Variants in LZTS1 observed in about 807,000 individuals in gnomAD.
LZTS1 encodes leucine zipper tumor suppressor 1, also known as leucine zipper putative tumor suppressor 1.
In LZTS1, 31 loss-of-function variants were observed where a neutral mutation model predicts 45.8. That is an observed-to-expected ratio of 0.68 (90% CI 0.51 to 0.91). LZTS1 has a LOEUF of 0.91. Ranked by LOEUF, LZTS1 falls within the 40% of genes least tolerant of loss-of-function variation. The probability of loss-of-function intolerance (pLI) is 0.00; values close to 1 mark genes in which losing one functional copy is unlikely to be tolerated. For synonymous variants in LZTS1, 359 were observed against 357.3 expected, an observed-to-expected ratio of 1.00 and a Z score of -0.05; for missense variants, 821 against 788.9, an observed-to-expected ratio of 1.04 and a Z score of -0.49.
At position 20,269,325 on chromosome 8, in the gene LZTS1, C is replaced by T. The variant is rs141318389; in HGVS notation, c.-134-14010G>A. 3.9e-4 allele frequency among the ~76,000 whole-genome samples: 60 copies of T among 152,278 alleles called. 1 individual carries two copies. The East Asian group carries it at 9.9e-3, about 25-fold the overall frequency. ...GTGCAATCTCCAGAGGAGGGCTGGG[C>T]ATCTGGCTAGACTCCCTCCCGTCTT... On this transcript the variant is annotated intron_variant, in intron 1 of 3. Transcript: ENST00000381569.
rs547035097 is a variant in LZTS1, at chr8:20,256,874, T to C, written c.-134-1559A>G. Among the ~76,000 whole-genome samples the C allele has an allele frequency of 2.6e-5, 4 of 152,056 alleles. No individual in the cohort carries two copies. The South Asian group carries it at 6.3e-4, about 24-fold the overall frequency. ...GTGTGGAAGTGGCTATGAGACTAGA[T>C]GGGGTCACCAAAGAGCGGATGCAGA... On this transcript the variant is annotated intron_variant, in intron 1 of 3. Coordinates refer to ENST00000381569, the MANE Select transcript of LZTS1 (RefSeq NM_021020.5).
In LZTS1 at chr8:20,255,034, A is replaced by T; in HGVS notation, c.148T>A (p.Ser50Thr). The T allele has an allele frequency of 6.2e-7, 1 of 1,614,184 alleles. No homozygotes were observed. Among genetic ancestry groups the T allele is most frequent in the South Asian group, 1.1e-5 (1 of 91,088 alleles). Reference sequence around the variant, plus strand: ...TTGGAGCTGGACTTGCCGTGACCGGAGTCCTGGGAGAAGCCAAACCTCAGC... The same window carrying T: ...TTGGAGCTGGACTTGCCGTGACCGGTGTCCTGGGAGAAGCCAAACCTCAGC... The part of the protein sequence containing the change: ...GLLRFGFSQD[S>T]GHGKSSSKMG... Residue 50 changes from serine to threonine, a missense_variant, in exon 2 of 4, where the codon TCC (serine) becomes ACC (threonine). Transcript: ENST00000381569.
rs577366847 is a variant in LZTS1, at chr8:20,252,811, C to T, written c.1120G>A (p.Gly374Ser). ...RSYEREKTSF[G>S]PALEETQWEV... ...CACTGGGTCTCCTCCAGCGCGGGGC[C>T]GAAGCTGGTCTTCTCCCTCTCGTAG... is the stretch of plus-strand genomic sequence containing the variant. Residue 374 changes from glycine (G) to serine (S), a missense_variant, in exon 3 of 4, where the codon GGC becomes AGC. Transcript: ENST00000381569. The T allele has an allele frequency of 3.8e-5, 58 of 1,536,398 alleles. No homozygotes were observed. Among genetic ancestry groups the T allele is most frequent in the East Asian group, 9.1e-5 (4 of 43,998 alleles).
chr8:20,303,522 G>T (rs183854826), intron 1 of LZTS1, among the ~76,000 whole-genome samples: 187 of 152,360 alleles, frequency 1.2e-3, no homozygotes, highest in African/African-American at 4.4e-3. Context: ...CACCTCCTCT[G>T]GGCCGGGCCG....
chr8:20,249,153 C>T lies in LZTS1; in HGVS notation c.*569G>A, dbSNP rs918674203. 6.5e-6 allele frequency: 1 copy of T among 153,662 alleles called. No individual in the cohort carries two copies. The highest frequency in any genetic ancestry group is 2.4e-5 in the African/African-American group (1 of 41,466). 9.5% of individuals were successfully genotyped at this position (153,662 alleles called of 1,614,324 possible). A position where few individuals can be genotyped will look rare whatever the true frequency, so the allele number is the denominator to read the frequency against. On this transcript the variant is annotated 3_prime_UTR_variant, in exon 4 of 4. Transcript: ENST00000381569. ...CTGCTGGGCTGCCTGTCTCTCCCCT[C>T]CTTCCTGTGGCTTGCCGGGGCTGGG... is the stretch of plus-strand genomic sequence containing the variant.
At chr8:20,282,898 T>C (rs2128897632) in intron 1 of LZTS1, among the ~76,000 whole-genome samples, 1 of 152,318 alleles carries the variant, frequency 6.6e-6, no homozygotes, top group East Asian at 1.9e-4. Context: ...GTCTAGCATA[T>C]AGTAGTAGAT....
intron 1 of LZTS1, among the ~76,000 whole-genome samples, chr8:20,272,425 C>T (rs1005126584): frequency 1.3e-5 from 2 of 152,124 alleles, no homozygotes; most frequent in African/African-American, 4.8e-5. Context: ...ATCAGGTCCT[C>T]ATTGGTTTTC....
chr8:20,303,902 A>C lies in LZTS1; in HGVS notation c.-297T>G. On this transcript the variant is annotated 5_prime_UTR_variant, in exon 1 of 4. Coordinates refer to ENST00000381569, the MANE Select transcript of LZTS1 (RefSeq NM_021020.5). Reference sequence around the variant, plus strand: ...ACTCACTGGCCGAGGCGGGCAGAGAAACTTTCGGCCTCCCCGCCCGGCCGC... The same window carrying C: ...ACTCACTGGCCGAGGCGGGCAGAGACACTTTCGGCCTCCCCGCCCGGCCGC... 1.0e-6 allele frequency: 1 copy of C among 984,628 alleles called. No homozygotes were observed. Among genetic ancestry groups the C allele is most frequent in the Non-Finnish European group, 1.2e-6 (1 of 829,658 alleles). 61.0% of individuals were successfully genotyped at this position (984,628 alleles called of 1,614,324 possible). A position where few individuals can be genotyped will look rare whatever the true frequency, so the allele number is the denominator to read the frequency against.
chr8:20,288,151 T>G (rs1800826499), intron 1 of LZTS1, among the ~76,000 whole-genome samples: 2 of 152,090 alleles, frequency 1.3e-5, no homozygotes, highest in African/African-American at 4.8e-5. Context: ...TTTCCTGGTG[T>G]TGTCAGCTCA....
At chr8:20,302,408 G>A (rs116446932) in intron 1 of LZTS1, among the ~76,000 whole-genome samples, 1,529 of 152,056 alleles carry the variant, frequency 0.01, 30 homozygotes, top group African/African-American at 0.035. Flanking sequence ...CACACTCTTC[G>A]GGCACCTCCA....
chr8:20,297,170 G>GGTGGAAACA (rs1800991371), intron 1 of LZTS1, among the ~76,000 whole-genome samples: 1 of 152,142 alleles, frequency 6.6e-6, no homozygotes, highest in African/African-American at 2.4e-5. Flanking sequence ...GAACGTACTT[G>GGTGGAAACA]CTCATGGACA....
At chr8:20,272,362 T>G (rs900908106) in intron 1 of LZTS1, among the ~76,000 whole-genome samples, 4 of 152,168 alleles carry the variant, frequency 2.6e-5, no homozygotes, top group Non-Finnish European at 4.4e-5. Flanking sequence ...TTTCCTCCCC[T>G]GTGGCTTTGC....
chr8:20,250,409 T>C (rs1485907456), intron 3 of LZTS1, 46 bp from the exon 4 acceptor site: 2 of 1,519,486 alleles, frequency 1.3e-6, no homozygotes, highest in Non-Finnish European at 1.8e-6. Context: ...GTGAGTGTCC[T>C]TACCCAGGGA....
In LZTS1 at chr8:20,254,902, C is replaced by T. The variant is rs1475029799; in HGVS notation, c.280G>A (p.Ala94Thr). The T allele has an allele frequency of 6.2e-7, 1 of 1,614,208 alleles. No individual in the cohort carries two copies. Among genetic ancestry groups the T allele is most frequent in the Non-Finnish European group, 8.5e-7 (1 of 1,180,042 alleles). Residue 94 changes from alanine (A) to threonine (T), a missense_variant, in exon 2 of 4, where the codon GCT becomes ACT. Physicochemically the swap from Ala to Thr is moderately conservative, Grantham distance 58 (BLOSUM62 0). Transcript: ENST00000381569. Reference sequence around the variant, plus strand: ...GTGGACGGGTCAAAGTCCACCCCAGCCTGGCCCCCTAAATCCCCGCTGGAC... The same window carrying T: ...GTGGACGGGTCAAAGTCCACCCCAGTCTGGCCCCCTAAATCCCCGCTGGAC... ...ALSSGDLGGQAGVDFDPSTPP... is the reference protein window; with the variant it reads ...ALSSGDLGGQTGVDFDPSTPP...
intron 1 of LZTS1, among the ~76,000 whole-genome samples, chr8:20,263,337 C>CTT (rs200678717): frequency 1.4e-5 from 2 of 145,818 alleles, no homozygotes; most frequent in African/African-American, 5.0e-5. Flanking sequence ...TCATTTCAGT[C>CTT]TTTTTTTTTT....
At chr8:20,299,640 A>G (rs1477929694) in intron 1 of LZTS1, among the ~76,000 whole-genome samples, 1 of 152,218 alleles carries the variant, frequency 6.6e-6, no homozygotes, top group East Asian at 1.9e-4. Flanking sequence ...TTAAATCGCC[A>G]TGGAGCCCCG....
intron 1 of LZTS1, among the ~76,000 whole-genome samples, chr8:20,255,679 G>A (rs1800082113): frequency 6.6e-6 from 1 of 152,150 alleles, no homozygotes; most frequent in Non-Finnish European, 1.5e-5. Context: ...CAGTGCTGCG[G>A]GGGAAACTGG....
At chr8:20,298,439 G>C (rs1211336087) in intron 1 of LZTS1, among the ~76,000 whole-genome samples, 2 of 152,154 alleles carry the variant, frequency 1.3e-5, no homozygotes, top group Non-Finnish European at 2.9e-5. Context: ...GAGTTGTTGT[G>C]AGGTGTAAAT....
At chr8:20,262,751 AG>A in intron 1 of LZTS1, among the ~76,000 whole-genome samples, 1 of 152,280 alleles carries the variant, frequency 6.6e-6, no homozygotes, top group Middle Eastern at 3.4e-3. Flanking sequence ...AGTAGAGGCG[AG>A]CAATGCTGTT....
Sources: gnomAD v4.1 joint callset for allele counts (sites outside exome capture counted in the v4.1 genomes callset) on GRCh38, gnomAD v4.1.1 for gene constraint, MANE v1.5 for transcripts, NCBI Gene and HGNC (gene_info 2026-07-23, HGNC 2026-07-21) for gene names.